The following VAV3 variants were observed in gnomAD, a reference collection of about 807,000 sequenced individuals.
The protein encoded by VAV3 is guanine nucleotide exchange factor VAV3.
Under a neutral mutation model 131.2 loss-of-function variants are expected in VAV3, and 94 were observed. The observed-to-expected ratio is 0.72, with a 90% CI of 0.61 to 0.85. The LOEUF (loss-of-function observed/expected upper bound fraction) is 0.85, where lower values mean the gene tolerates loss of function less well. VAV3 is among the 40% of genes least tolerant of loss of function. The probability of loss-of-function intolerance (pLI) is 0.00; values close to 1 mark genes in which losing one functional copy is unlikely to be tolerated. For synonymous variants in VAV3, 349 were observed against 342.0 expected, an observed-to-expected ratio of 1.02 and a Z score of -0.22; for missense variants, 939 against 1,002.7, an observed-to-expected ratio of 0.94 and a Z score of 0.86.
chr1:107,641,006 T>C (rs759528579), intron 20 of VAV3, among the ~76,000 whole-genome samples: 2 of 152,186 alleles, frequency 1.3e-5, no homozygotes, highest in Non-Finnish European at 2.9e-5. Flanking sequence ...AGGAACCTTA[T>C]GGCTACAAAT....
rs578080009 is a variant in VAV3, at chr1:107,735,141, C to G, written c.1502+13827G>C. On this transcript the variant is annotated intron_variant, in intron 15 of 26. Coordinates refer to ENST00000370056, the MANE Select transcript of VAV3 (RefSeq NM_006113.5). ...ATTAAAAACTGAAGGCAGAAATAAA[C>G]ATGTTCTTTGAAACCAATGAGAACA... Among the ~76,000 whole-genome samples the G allele has an allele frequency of 6.6e-5, 10 of 152,170 alleles. 1 individual carries two copies. Among genetic ancestry groups the G allele is most frequent in the South Asian group, 2.1e-4 (1 of 4,818 alleles).
At chr1:107,848,511 G>A (rs1472487930) in intron 2 of VAV3, among the ~76,000 whole-genome samples, 1 of 151,944 alleles carries the variant, frequency 6.6e-6, no homozygotes, top group Non-Finnish European at 1.5e-5. Flanking sequence ...TGTAGAAAAG[G>A]CCTTTGATAA....
rs555734914 is a variant in VAV3 at position 107,738,624 on chromosome 1, C to T, written c.1502+10344G>A. ...ATTGCAAGGATTGCCAGTTTCCAATCGCAGCTTATTTTGTGTTGTATAGCC... is the reference window on the plus strand; with the variant it reads ...ATTGCAAGGATTGCCAGTTTCCAATTGCAGCTTATTTTGTGTTGTATAGCC... On this transcript the variant is annotated intron_variant, in intron 15 of 26. Transcript: ENST00000370056. 2.3e-4 allele frequency among the ~76,000 whole-genome samples: 35 copies of T among 152,278 alleles called. No individual in the cohort carries two copies. The South Asian group carries it at 5.2e-3, about 23-fold the overall frequency.
intron 10 of VAV3, among the ~76,000 whole-genome samples, chr1:107,759,450 C>T (rs954064798): frequency 4.6e-5 from 7 of 152,124 alleles, no homozygotes; most frequent in Non-Finnish European, 1.0e-4. Context: ...GTGATTTCGC[C>T]ACTAAAGTAT....
chr1:107,594,376 T>G (rs1651204224), intron 25 of VAV3, among the ~76,000 whole-genome samples: 1 of 152,208 alleles, frequency 6.6e-6, no homozygotes, highest in Admixed American at 6.5e-5. Flanking sequence ...AATGAATAAT[T>G]GATGAACAAA....
At chr1:107,815,962 T>A (rs1329201240) in intron 2 of VAV3, among the ~76,000 whole-genome samples, 1 of 152,054 alleles carries the variant, frequency 6.6e-6, no homozygotes, top group Non-Finnish European at 1.5e-5. Context: ...TCGTAAGGAG[T>A]ACACAACCTA....
intron 15 of VAV3, among the ~76,000 whole-genome samples, chr1:107,722,816 T>C (rs1661578421): frequency 6.8e-6 from 1 of 148,016 alleles, no homozygotes; most frequent in African/African-American, 2.5e-5. Context: ...GGAAAAGTAG[T>C]GTCAGAAAGC....
intron 19 of VAV3, among the ~76,000 whole-genome samples, chr1:107,667,949 C>A (rs1215615139): frequency 1.3e-5 from 2 of 152,148 alleles, no homozygotes; most frequent in Non-Finnish European, 2.9e-5. Context: ...TGCCCTTTGC[C>A]CAACTGGGCC....
chr1:107,720,924 G>C (rs1018605866), intron 15 of VAV3, among the ~76,000 whole-genome samples: 7 of 152,152 alleles, frequency 4.6e-5, no homozygotes, highest in Non-Finnish European at 1.0e-4. Flanking sequence ...GAGAAGATAA[G>C]GTATGAGAGG....
At chr1:107,690,759 A>T (rs1659374024) in intron 17 of VAV3, among the ~76,000 whole-genome samples, 1 of 152,142 alleles carries the variant, frequency 6.6e-6, no homozygotes, top group Admixed American at 6.5e-5. Flanking sequence ...ATGCAACTCC[A>T]AGGGCATGAG....
chr1:107,780,178 TATA>T (rs1665615127), intron 2 of VAV3, among the ~76,000 whole-genome samples: 1 of 152,216 alleles, frequency 6.6e-6, no homozygotes, highest in African/African-American at 2.4e-5. Flanking sequence ...AGATAATGCC[TATA>T]ATAATAGTTA....
chr1:107,927,684 G>C (rs919520129), intron 1 of VAV3, among the ~76,000 whole-genome samples: 1 of 151,838 alleles, frequency 6.6e-6, no homozygotes, highest in African/African-American at 2.4e-5. Flanking sequence ...ATGGGGTAAG[G>C]CTCCTCTGCC....
At chr1:107,646,034 C>T (rs1212353818) in intron 19 of VAV3, among the ~76,000 whole-genome samples, 1 of 152,038 alleles carries the variant, frequency 6.6e-6, no homozygotes, top group African/African-American at 2.4e-5. Flanking sequence ...CTGAAGATGG[C>T]AAATCTCCTT....
intron 1 of VAV3, among the ~76,000 whole-genome samples, chr1:107,887,553 C>A (rs929661669): frequency 6.6e-6 from 1 of 152,076 alleles, no homozygotes; most frequent in Non-Finnish European, 1.5e-5. Context: ...GATAAATGTC[C>A]CCAGAATACC....
At chr1:107,602,539 A>T in intron 23 of VAV3, 55 bp from the exon 24 acceptor site, 1 of 1,364,654 alleles carries the variant, frequency 7.3e-7, no homozygotes, top group Non-Finnish European at 9.9e-7. Context: ...AGTAGAAATC[A>T]ATAATTACCA....
chr1:107,652,294 A>G (rs1197878353), intron 19 of VAV3, among the ~76,000 whole-genome samples: 2 of 152,106 alleles, frequency 1.3e-5, no homozygotes, highest in African/African-American at 4.8e-5. Flanking sequence ...GATACCCTAC[A>G]TGGTTTAAAA....
intron 12 of VAV3, among the ~76,000 whole-genome samples, chr1:107,752,792 C>T (rs578170453): frequency 6.6e-6 from 1 of 152,192 alleles, no homozygotes; most frequent in East Asian, 1.9e-4. Context: ...CCCAAACAAA[C>T]CGAATAGTGA....
intron 2 of VAV3, among the ~76,000 whole-genome samples, chr1:107,796,522 G>A (rs1469697166): frequency 6.6e-6 from 1 of 152,006 alleles, no homozygotes; most frequent in African/African-American, 2.4e-5. Flanking sequence ...ATGATGGACA[G>A]GCACTATATT....
At chr1:107,681,895 C>T (rs1013339124) in intron 19 of VAV3, among the ~76,000 whole-genome samples, 3 of 152,028 alleles carry the variant, frequency 2.0e-5, no homozygotes, top group South Asian at 4.1e-4. Flanking sequence ...CTCCTGACCT[C>T]GTGATCCGCC....
Sources: gnomAD v4.1 joint callset for allele counts (sites outside exome capture counted in the v4.1 genomes callset) on GRCh38, gnomAD v4.1.1 for gene constraint, MANE v1.5 for transcripts, NCBI Gene and HGNC (gene_info 2026-07-23, HGNC 2026-07-21) for gene names.